The following DMD variants were observed in gnomAD, a reference collection of about 807,000 sequenced individuals.
The protein encoded by DMD is dystrophin, also known as mutant dystrophin.
Under a neutral mutation model 330.1 loss-of-function variants are expected in DMD, and 63 were observed. The observed-to-expected ratio is 0.19, with a 90% confidence interval of 0.16 to 0.24. The LOEUF is 0.24. Among genes scored for constraint, DMD ranks in the 10% least tolerant of loss-of-function variants. DMD has a pLI of 1.00. For synonymous variants in DMD, 1,223 were observed against 959.8 expected, an observed-to-expected ratio of 1.27 and a Z score of -5.07; for missense variants, 3,344 against 2,684.1, an observed-to-expected ratio of 1.25 and a Z score of -5.43.
At chrX:32,439,259 G>C (rs1209169619) in intron 28 of DMD, among the ~76,000 whole-genome samples, 1 of 110,875 alleles carries the variant, frequency 9.0e-6, no homozygotes, top group Non-Finnish European at 1.9e-5. Context: ...AATTTTTCCT[G>C]TTTATGTATT....
chrX:32,326,352 G>A (rs757694702), intron 41 of DMD, among the ~76,000 whole-genome samples: 2 of 112,461 alleles, frequency 1.8e-5, no homozygotes, highest in Admixed American at 1.9e-4. Flanking sequence ...TAATCTTGAT[G>A]AGTTCAGCAG....
At chrX:32,200,240 A>G (rs776483018) in intron 44 of DMD, among the ~76,000 whole-genome samples, 1 of 111,262 alleles carries the variant, frequency 9.0e-6, no homozygotes, top group East Asian at 2.8e-4. Context: ...TTTTCCAATC[A>G]GTTTTTATAA....
Position 31,778,035 on chromosome X carries a change from G to A in DMD, c.7310-3843C>T, listed in dbSNP as rs746223310. On this transcript the variant is annotated intron_variant, in intron 50 of 78. Coordinates refer to ENST00000357033, the MANE Select transcript of DMD (RefSeq NM_004006.3). The stretch of plus-strand genomic sequence containing the variant: ...ATTTCAAACCTGTGTCCTTTCATAC[G>A]CTTTCTATACTTCTTGAAAACTTTT... Among the ~76,000 whole-genome samples the A allele has an allele frequency of 5.4e-5, 6 of 111,811 alleles. No individual in the cohort carries two copies. In the South Asian group the frequency reaches 2.2e-3, roughly 41 times the overall value.
At chrX:32,354,929 T>A (rs1375898341) in intron 37 of DMD, among the ~76,000 whole-genome samples, 1 of 111,722 alleles carries the variant, frequency 9.0e-6, no homozygotes, top group African/African-American at 3.2e-5. Flanking sequence ...ATTACATGAC[T>A]TTTTGGAGTA....
chrX:31,455,801 G>C (rs1202168633), intron 59 of DMD, among the ~76,000 whole-genome samples: 1 of 111,935 alleles, frequency 8.9e-6, no homozygotes. Context: ...ATTCTGCTTG[G>C]TGGTGGTGGC....
intron 1 of DMD, among the ~76,000 whole-genome samples, chrX:33,178,315 G>A (rs902714912): frequency 8.9e-6 from 1 of 111,786 alleles, no homozygotes; most frequent in African/African-American, 3.3e-5. Flanking sequence ...ATGTTACATC[G>A]AAGACCGAAA....
Position 32,485,092 on chromosome X carries a change from A to C in DMD, c.2630T>G (p.Val877Gly), listed in dbSNP as rs769516870. Residue 877 changes from valine (V) to glycine (G), a missense_variant, in exon 21 of 79, where the codon GTC becomes GGC. Coordinates refer to ENST00000357033, the MANE Select transcript of DMD (RefSeq NM_004006.3). ...AGGTTGAAGATCTGATAGCCGGTTG[A>C]CTTCATCCTGTGCCATAGAGTATGG... The part of the protein sequence containing the change: ...KSQLKICKDE[V>G]NRLSDLQPQI... The C allele has an allele frequency of 9.1e-6, 11 of 1,207,122 alleles. No homozygotes were observed. Among genetic ancestry groups the C allele is most frequent in the Non-Finnish European group, 1.1e-5 (10 of 892,875 alleles).
intron 60 of DMD, among the ~76,000 whole-genome samples, chrX:31,365,170 T>C (rs185444131): frequency 9.1e-6 from 1 of 109,522 alleles, no homozygotes; most frequent in Non-Finnish European, 1.9e-5. Flanking sequence ...TCGAGGCTTT[T>C]TGAAAATTTT....
intron 76 of DMD, among the ~76,000 whole-genome samples, chrX:31,137,631 TG>T (rs1450385547): frequency 1.8e-5 from 2 of 110,199 alleles, no homozygotes; most frequent in African/African-American, 6.6e-5. Flanking sequence ...CCTGGCATAT[TG>T]TTCACTGAAG....
intron 44 of DMD, among the ~76,000 whole-genome samples, chrX:32,139,221 C>T (rs1346091316): frequency 2.7e-5 from 3 of 112,036 alleles, no homozygotes; most frequent in Non-Finnish European, 5.6e-5. Context: ...TCAACATGTT[C>T]ACATCATCAT....
rs1445249451 is a variant in DMD, at chrX:31,845,405, CT to C, written c.7099-8587del. Among the ~76,000 whole-genome samples the C allele has an allele frequency of 5.7e-5, 6 of 104,948 alleles. No homozygotes were observed. The East Asian group carries it at 1.8e-3, about 32-fold the overall frequency. The allele number at this position is 104,948 out of a possible 115,157, so 91.1% of individuals were successfully genotyped here. ...TCTCTCTCTCTCTCTCTCTCTCTCT[CT>C]CTCTCTCTCTCTCTCTCTCCCTCTC... On this transcript the variant is annotated intron_variant, in intron 48 of 78. Transcript: ENST00000357033.
At chrX:31,522,156 T>G (rs2147355913) in intron 55 of DMD, among the ~76,000 whole-genome samples, 1 of 107,808 alleles carries the variant, frequency 9.3e-6, no homozygotes, top group South Asian at 4.2e-4. Flanking sequence ...GAGGGATGAG[T>G]AGCAGCTGGC....
intron 13 of DMD, among the ~76,000 whole-genome samples, chrX:32,585,572 C>G (rs1004129649): frequency 3.8e-5 from 4 of 106,548 alleles, no homozygotes; most frequent in African/African-American, 1.4e-4. Context: ...TGGTGGCAGG[C>G]GCCTGCAGTC....
chrX:33,090,965 T>C (rs2095078084), intron 1 of DMD, among the ~76,000 whole-genome samples: 1 of 110,949 alleles, frequency 9.0e-6, no homozygotes, highest in Admixed American at 9.7e-5. Flanking sequence ...ACTAGAGGTA[T>C]GGCGAGAAGC....
chrX:31,288,654 T>C (rs73464386), intron 62 of DMD, among the ~76,000 whole-genome samples: 2,729 of 111,915 alleles, frequency 0.024, 90 homozygotes, highest in African/African-American at 0.083. Context: ...AACTGAATAA[T>C]GTGGTCAGTT....
Position 32,074,810 on chromosome X carries a change from T to G in DMD, c.6439-106296A>C, listed in dbSNP as rs763916469. ...TTTTTAATTGCAATCAGATTCCAGATGGACCCTAAGAGCTCAGTTACGGAA... is the reference window on the plus strand; with the variant it reads ...TTTTTAATTGCAATCAGATTCCAGAGGGACCCTAAGAGCTCAGTTACGGAA... On this transcript the variant is annotated intron_variant, in intron 44 of 78. Transcript: ENST00000357033. Among the ~76,000 whole-genome samples the G allele has an allele frequency of 3.7e-5, 4 of 108,466 alleles. No homozygotes were observed. The East Asian group carries it at 1.1e-3, about 31-fold the overall frequency. The allele number at this position is 108,466 out of a possible 115,157, so 94.2% of individuals were successfully genotyped here.
At chrX:32,614,282 C>G in intron 12 of DMD, 21 bp downstream of exon 12, 2 of 1,205,799 alleles carry the variant, frequency 1.7e-6, no homozygotes, top group Middle Eastern at 2.3e-4. Flanking sequence ...GTAGAAAGCA[C>G]GCAACATAAG....
chrX:32,864,102 G>A (rs368160010), intron 2 of DMD, among the ~76,000 whole-genome samples: 1 of 112,157 alleles, frequency 8.9e-6, no homozygotes, highest in African/African-American at 3.2e-5. Context: ...CAATTCTGAA[G>A]TCAAATATTG....
At chrX:32,960,337 C>G (rs1422780477) in intron 2 of DMD, 1 of 111,162 alleles carries the variant, frequency 9.0e-6, no homozygotes, top group Non-Finnish European at 1.9e-5. Context: ...ATAACCTTGG[C>G]CTGCACAGAC....
Sources: gnomAD v4.1 joint callset for allele counts (sites outside exome capture counted in the v4.1 genomes callset) on GRCh38, gnomAD v4.1.1 for gene constraint, MANE v1.5 for transcripts, NCBI Gene and HGNC (gene_info 2026-07-23, HGNC 2026-07-21) for gene names.